The following VPS33B variants were observed in gnomAD, a reference collection of about 807,000 sequenced individuals.
The protein encoded by VPS33B is vacuolar protein sorting-associated protein 33B.
A neutral mutation model predicts 95.3 loss-of-function variants in VPS33B; 80 were observed. The observed-to-expected ratio is 0.84, with a 90% CI of 0.70 to 1.01. The LOEUF (loss-of-function observed/expected upper bound fraction) is 1.01. Among genes scored for constraint, VPS33B ranks in the 50% least tolerant of loss-of-function variants. The probability of loss-of-function intolerance (pLI) is 0.00; values close to 1 mark genes in which losing one functional copy is unlikely to be tolerated. For synonymous variants in VPS33B, 280 were observed against 280.4 expected (o/e 1.00, Z 0.01); for missense variants, 715 against 773.4 (o/e 0.92, Z 0.90).
chr15:91,002,187 A>C lies in VPS33B; in HGVS notation c.1273-5T>G, dbSNP rs776791976. The stretch of plus-strand genomic sequence containing the variant: ...CAGGTGCTCAGGGCCATAGCTCTGA[A>C]GAAGATGCAATTAGACTATTTACTG... On this transcript the variant is annotated splice_region_variant and splice_polypyrimidine_tract_variant and intron_variant, in intron 17 of 22. Coordinates refer to ENST00000333371, the MANE Select transcript of VPS33B (RefSeq NM_018668.5). The surrounding 1 kb of genome is among the most constrained non-coding windows in gnomAD (Gnocchi z 4.7). 2 of 1,614,184 alleles carry C rather than the reference A, an allele frequency of 1.2e-6. No homozygotes were observed. Among genetic ancestry groups the C allele is most frequent in the South Asian group, 2.2e-5 (2 of 91,072 alleles).
In VPS33B at chr15:90,999,158, C is replaced by A. The variant is rs960758690; in HGVS notation, c.1775-104G>T. On this transcript the variant is annotated intron_variant, in intron 22 of 22. Transcript: ENST00000333371. The surrounding 1 kb of genome is among the most constrained non-coding windows in gnomAD (Gnocchi z 5.1). ...CCACAGTCCCCACGGGATCACAGCACCAGTTTATAGACAGAGACGTGAGTG... is the reference window on the plus strand; with the variant it reads ...CCACAGTCCCCACGGGATCACAGCAACAGTTTATAGACAGAGACGTGAGTG... The A allele has an allele frequency of 1.5e-5, 16 of 1,051,730 alleles. No individual in the cohort carries two copies. The African/African-American group carries it at 2.4e-4, about 15-fold the overall frequency. 65.1% of individuals were successfully genotyped at this position (1,051,730 alleles called of 1,614,324 possible).
Position 91,000,987 on chromosome 15 carries a change from CATGAA to C in VPS33B, c.1479+397_1480-397del. On this transcript the variant is annotated intron_variant, in intron 19 of 22. Coordinates refer to ENST00000333371, the MANE Select transcript of VPS33B (RefSeq NM_018668.5). This position sits in a 1 kb window ranked among gnomAD's most constrained non-coding sequence, Gnocchi z 4.9. ...TACCAAACAAAAGAATCTTTATACA[CATGAA>C]ATGACAAAAAGGTTTTTGTGGATTC... 1.4e-5 allele frequency: 5 copies of C among 348,044 alleles called. No individual in the cohort carries two copies. The highest frequency in any genetic ancestry group is 1.0e-4 in the South Asian group (4 of 39,994). 21.6% of individuals were successfully genotyped at this position (348,044 alleles called of 1,614,324 possible). A position where few individuals can be genotyped will look rare whatever the true frequency, so the allele number is the denominator to read the frequency against.
rs1384704688 is a variant in VPS33B at position 91,014,517 on chromosome 15, TC to T, written c.240-85del. 6 of 1,495,450 alleles carry T rather than the reference TC, an allele frequency of 4.0e-6. No individual in the cohort carries two copies. The African/African-American group carries it at 8.3e-5, about 21-fold the overall frequency. The allele number at this position is 1,495,450 out of a possible 1,614,324, so 92.6% of individuals were successfully genotyped here. A position where few individuals can be genotyped will look rare whatever the true frequency, so the allele number is the denominator to read the frequency against. ...TAGAAGAAACTGAAACAATACCAAC[TC>T]TTTTGCCATTTGCCCTACAGGTCTC... On this transcript the variant is annotated intron_variant, in intron 3 of 22. Coordinates refer to ENST00000333371, the MANE Select transcript of VPS33B (RefSeq NM_018668.5).
Position 91,003,098 on chromosome 15 carries a change from G to C in VPS33B, c.1259C>G (p.Thr420Arg). The C allele has an allele frequency of 6.2e-7, 1 of 1,614,182 alleles. No individual in the cohort carries two copies. Among genetic ancestry groups the C allele is most frequent in the Non-Finnish European group, 8.5e-7 (1 of 1,180,030 alleles). Residue 420 changes from threonine (T) to arginine (R), a missense_variant, in exon 17 of 23, where the codon ACA (threonine) becomes AGA (arginine). Thr to Arg is a moderately conservative substitution (Grantham distance 71). Transcript: ENST00000333371. ...TCCAGGCCTTACCTGCAGATACTGT[G>C]TTTTCAGAGATCGGTAATCCTTGGG... ...LIPKDYRSLK[T>R]QYLQSYGPEH...
In VPS33B at chr15:91,012,021, A is replaced by AAAACC. The variant is rs557919280; in HGVS notation, c.357+1782_357+1783insGGTTT. ...AAAACAAAACAAAACAAAACAAAAC[A>AAAACC]AGACAAGACAAAACACCAAAGCTGT... On this transcript the variant is annotated intron_variant, in intron 5 of 22. Coordinates refer to ENST00000333371, the MANE Select transcript of VPS33B (RefSeq NM_018668.5). Among the ~76,000 whole-genome samples the AAAACC allele has an allele frequency of 9.9e-3, 1,492 of 149,970 alleles. 24 individuals are homozygous for AAAACC. The highest frequency in any genetic ancestry group is 0.034 in the African/African-American group (1,362 of 40,292).
chr15:91,012,206 C>T (rs553874166), intron 5 of VPS33B, among the ~76,000 whole-genome samples: 7 of 152,142 alleles, frequency 4.6e-5, no homozygotes, highest in Admixed American at 2.6e-4. Context: ...TAATACTTCA[C>T]GTTTGTATTC....
chr15:91,014,250 G>A (rs2040860843), intron 4 of VPS33B, 134 bp downstream of exon 4: 2 of 893,616 alleles, frequency 2.2e-6, no homozygotes, highest in African/African-American at 1.7e-5. Context: ...AAAGAAGCGG[G>A]GAAGCAGACA....
At position 91,015,398 on chromosome 15, in the gene VPS33B, G is replaced by A. The variant is rs113145781; in HGVS notation, c.240-965C>T. Among the ~76,000 whole-genome samples, 1,921 of 151,552 alleles carry A rather than the reference G, an allele frequency of 0.013. 43 individuals carry two copies. Among genetic ancestry groups the A allele is most frequent in the African/African-American group, 0.042 (1,748 of 41,410 alleles). Reference sequence around the variant, plus strand: ...TAATAGTAAAATAAAAGAACTATAAGGCCTGGCGAGGTGGTGCATGCCTAT... The same window carrying A: ...TAATAGTAAAATAAAAGAACTATAAAGCCTGGCGAGGTGGTGCATGCCTAT... On this transcript the variant is annotated intron_variant, in intron 3 of 22. Transcript: ENST00000333371. The surrounding 1 kb of genome is among the most constrained non-coding windows in gnomAD (Gnocchi z 4.7).
At chr15:91,019,316 C>T (rs148225103) in intron 1 of VPS33B, among the ~76,000 whole-genome samples, 80 of 151,752 alleles carry the variant, frequency 5.3e-4, no homozygotes, top group African/African-American at 1.8e-3. Context: ...TGGAATTTCG[C>T]CATGTTGGCC....
rs368276570 is a variant in VPS33B, at chr15:91,006,381, G to A, written c.843C>T (p.Ala281=). The A allele has an allele frequency of 5.0e-6, 8 of 1,614,054 alleles. No individual in the cohort carries two copies. The highest frequency in any genetic ancestry group is 2.2e-5 in the East Asian group (1 of 44,896). Residue 281 remains alanine (A), a synonymous_variant, in exon 11 of 23, where the codon GCC becomes GCT. Transcript: ENST00000333371. The surrounding 1 kb of genome is among the most constrained non-coding windows in gnomAD (Gnocchi z 5.4). Reference sequence around the variant, plus strand: ...GCACCCACACCCTCACCTTGTCCTCGGCATTGAGTAGCACCTTCAGGCTCT... The same window carrying A: ...GCACCCACACCCTCACCTTGTCCTCAGCATTGAGTAGCACCTTCAGGCTCT... ...SDKSLKVLLN[A]EDKVFNEIRN... is the part of the protein sequence containing the mutation.
At chr15:91,019,314 C>T (rs1218687973) in intron 1 of VPS33B, among the ~76,000 whole-genome samples, 2 of 151,528 alleles carry the variant, frequency 1.3e-5, no homozygotes, top group African/African-American at 2.4e-5. Flanking sequence ...CATGGAATTT[C>T]GCCATGTTGG....
rs778274271 is a variant in VPS33B at position 91,005,060 on chromosome 15, G to A, written c.1165C>T (p.Arg389Trp). 9.3e-6 allele frequency: 15 copies of A among 1,614,070 alleles called. No homozygotes were observed. The highest frequency in any genetic ancestry group is 5.3e-5 in the African/African-American group (4 of 74,930). Residue 389 changes from arginine to tryptophan, a missense_variant, in exon 15 of 23, where the codon CGG becomes TGG. Arg to Trp is a moderately radical substitution (Grantham distance 101). Coordinates refer to ENST00000333371, the MANE Select transcript of VPS33B (RefSeq NM_018668.5). The surrounding 1 kb of genome is among the most constrained non-coding windows in gnomAD (Gnocchi z 6.4). ...CCAGCCCTCCACCTGCGCACCTGCC[G>A]GTCTATGTGTTCCTCAATGTAGCTG... ...STSYIEEHID[R>W]QVSPIESLRL... is the part of the protein sequence containing the mutation.
Position 91,006,187 on chromosome 15 carries a change from A to C in VPS33B, c.853-128T>G, listed in dbSNP as rs1321285030. ...AAAGAAAGCTGAGCTGGGATCTGTA[A>C]GTCCATATCAAATGCCTACACCGTG... On this transcript the variant is annotated intron_variant, in intron 11 of 22. Transcript: ENST00000333371. This position sits in a 1 kb window ranked among gnomAD's most constrained non-coding sequence, Gnocchi z 5.4. 7.5e-7 allele frequency: 1 copy of C among 1,338,614 alleles called. No individual in the cohort carries two copies. The highest frequency in any genetic ancestry group is 1.4e-5 in the African/African-American group (1 of 69,980). The allele number at this position is 1,338,614 out of a possible 1,614,324, so 82.9% of individuals were successfully genotyped here.
intron 16 of VPS33B, among the ~76,000 whole-genome samples, chr15:91,003,690 G>A (rs1038080025): frequency 6.6e-6 from 1 of 151,984 alleles, no homozygotes; most frequent in African/African-American, 2.4e-5. Context: ...CGCCTGCCTT[G>A]GCCTCCCAAA....
intron 3 of VPS33B, among the ~76,000 whole-genome samples, chr15:91,016,620 A>G (rs1173912633): frequency 2.6e-5 from 4 of 151,930 alleles, no homozygotes; most frequent in Admixed American, 1.3e-4. Context: ...CTGACCTCAG[A>G]AGATCCGCCC....
At chr15:91,016,515 C>T (rs2040932905) in intron 3 of VPS33B, among the ~76,000 whole-genome samples, 1 of 151,072 alleles carries the variant, frequency 6.6e-6, no homozygotes, top group South Asian at 2.1e-4. Flanking sequence ...TCCTGAGTAG[C>T]TGGGATTACA....
At position 91,002,321 on chromosome 15, in the gene VPS33B, C is replaced by T. The variant is rs2040462508; in HGVS notation, c.1273-139G>A. On this transcript the variant is annotated intron_variant, in intron 17 of 22. Coordinates refer to ENST00000333371, the MANE Select transcript of VPS33B (RefSeq NM_018668.5). The surrounding 1 kb of genome is among the most constrained non-coding windows in gnomAD (Gnocchi z 4.7). The stretch of plus-strand genomic sequence containing the variant: ...CTCACACTTTGTTGAGATAAATTTT[C>T]ACATCAGAAATAACCAAACAGGGCT... The T allele has an allele frequency of 1.5e-6, 2 of 1,325,152 alleles. No individual in the cohort carries two copies. The highest frequency in any genetic ancestry group is 2.0e-5 in the Admixed American group (1 of 49,950). 82.1% of individuals were successfully genotyped at this position (1,325,152 alleles called of 1,614,324 possible).
intron 1 of VPS33B, among the ~76,000 whole-genome samples, chr15:91,020,914 C>T (rs1437109731): frequency 6.6e-6 from 1 of 151,980 alleles, no homozygotes; most frequent in Non-Finnish European, 1.5e-5. Context: ...GAAATAAAAT[C>T]TGGTCTAAGA....
At chr15:91,017,169 C>T (rs181794222) in intron 2 of VPS33B, 145 bp from the exon 3 acceptor site, 304 of 743,628 alleles carry the variant, frequency 4.1e-4, no homozygotes, top group South Asian at 2.3e-3. Flanking sequence ...GCTCCCCTGA[C>T]GACCATCCCA....
Sources: allele counts gnomAD v4.1 joint callset (sites outside exome capture counted in the v4.1 genomes callset), GRCh38; gene constraint gnomAD v4.1.1; non-coding constraint Gnocchi (gnomAD v3.1); transcripts MANE v1.5; gene names NCBI Gene and HGNC (gene_info 2026-07-23, HGNC 2026-07-21).